RGS6: variants seen among roughly 807,000 people sequenced by gnomAD.
RGS6 encodes regulator of G-protein signaling 6.
A neutral mutation model predicts 78.5 loss-of-function variants in RGS6; 30 were observed. That is an observed-to-expected ratio of 0.38 (90% CI 0.29 to 0.52). The LOEUF (loss-of-function observed/expected upper bound fraction) is 0.52, where lower values mean the gene tolerates loss of function less well. Ranked by LOEUF, RGS6 falls within the 20% of genes least tolerant of loss-of-function variation. The pLI, the probability that RGS6 is intolerant of heterozygous loss-of-function variation, is 0.85. For missense variants in RGS6, 495 were observed against 609.7 expected, an observed-to-expected ratio of 0.81 and a Z score of 1.98; for synonymous variants, 206 against 206.0, an observed-to-expected ratio of 1.00 and a Z score of 0.00.
chr14:72,146,748 G>A (rs954525873), intron 2 of RGS6, among the ~76,000 whole-genome samples: 25 of 152,026 alleles, frequency 1.6e-4, no homozygotes, highest in African/African-American at 6.0e-4. Context: ...TTCTTTACAT[G>A]GCCAGGCTGA....
chr14:72,115,176 T>A (rs2095858414), intron 2 of RGS6, among the ~76,000 whole-genome samples: 2 of 152,304 alleles, frequency 1.3e-5, no homozygotes, highest in South Asian at 4.1e-4. Context: ...TCTTCAACCC[T>A]AGCGCTCGCT....
At chr14:72,094,165 C>T (rs2190633) in intron 2 of RGS6, among the ~76,000 whole-genome samples, 30,199 of 152,128 alleles carry the variant, frequency 0.2, 3,950 homozygotes, top group African/African-American at 0.38. Context: ...CTTTCTTTAT[C>T]GAACAATGGA....
In RGS6 at chr14:72,265,825, C is replaced by T. The variant is rs112276785; in HGVS notation, c.85-86270C>T. Among the ~76,000 whole-genome samples, 1,212 of 152,212 alleles carry T rather than the reference C, an allele frequency of 8.0e-3. 15 individuals are homozygous for T. Among genetic ancestry groups the T allele is most frequent in the African/African-American group, 0.028 (1,148 of 41,520 alleles). On this transcript the variant is annotated intron_variant, in intron 2 of 17. Coordinates refer to ENST00000553525, the MANE Select transcript of RGS6 (RefSeq NM_001204424.2). Reference sequence around the variant, plus strand: ...CTTCCCCAAGCTGCCTGTGCAAAGCCTCCCTTTTCTGCTCCCTCAGCCTCC... The same window carrying T: ...CTTCCCCAAGCTGCCTGTGCAAAGCTTCCCTTTTCTGCTCCCTCAGCCTCC...
chr14:72,493,509 AAT>A (rs200755784), intron 12 of RGS6, among the ~76,000 whole-genome samples: 18 of 148,684 alleles, frequency 1.2e-4, no homozygotes, highest in Non-Finnish European at 2.7e-4. Context: ...TGGAAAAAAA[AAT>A]ATAGGACAAG....
At chr14:72,164,790 A>G (rs1481166684) in intron 2 of RGS6, among the ~76,000 whole-genome samples, 8 of 152,192 alleles carry the variant, frequency 5.3e-5, no homozygotes, top group African/African-American at 1.2e-4. Flanking sequence ...TACATTTTGA[A>G]TAAACAGCGA....
At chr14:72,420,726 T>C (rs914724568) in intron 3 of RGS6, among the ~76,000 whole-genome samples, 2 of 152,226 alleles carry the variant, frequency 1.3e-5, no homozygotes, top group African/African-American at 4.8e-5. Context: ...TGAGCCCTCA[T>C]TATTTGCCTC....
intron 2 of RGS6, among the ~76,000 whole-genome samples, chr14:72,202,984 C>T (rs2041901588): frequency 6.6e-6 from 1 of 152,066 alleles, no homozygotes; most frequent in Non-Finnish European, 1.5e-5. Context: ...ACGCCATTCT[C>T]CTGCCTCAGC....
rs1476384637 is a variant in RGS6, at chr14:72,454,510, A to G, written c.185-18A>G. On this transcript the variant is annotated intron_variant, in intron 3 of 17. Transcript: ENST00000553525. The stretch of plus-strand genomic sequence containing the variant: ...AACACCCAGGAGGTCTTCAGCTGAA[A>G]TTGCTTTATCGTTGCAGGTACTGAC... 13 of 1,613,840 alleles carry G rather than the reference A, an allele frequency of 8.1e-6. No individual in the cohort carries two copies. Among genetic ancestry groups the G allele is most frequent in the Non-Finnish European group, 1.1e-5 (13 of 1,179,756 alleles).
chr14:72,078,343 C>A (rs2094671232), intron 2 of RGS6, among the ~76,000 whole-genome samples: 1 of 152,154 alleles, frequency 6.6e-6, no homozygotes, highest in Non-Finnish European at 1.5e-5. Flanking sequence ...GCCTGCAGAA[C>A]CATGAGTCAA....
intron 3 of RGS6, among the ~76,000 whole-genome samples, chr14:72,406,016 A>G (rs1216625023): frequency 2.6e-5 from 4 of 152,148 alleles, no homozygotes; most frequent in Middle Eastern, 3.2e-3. Flanking sequence ...GTAGACAATA[A>G]ATGGGAGAGG....
chr14:71,888,648 C>T, the RGS6 span, among the ~76,000 whole-genome samples: 1 of 150,130 alleles, frequency 6.7e-6, no homozygotes, highest in Non-Finnish European at 1.5e-5. Context: ...GGTAGGATTT[C>T]ATTCAAGAGA....
At chr14:72,319,631 G>A (rs847349) in intron 2 of RGS6, among the ~76,000 whole-genome samples, 45,666 of 151,822 alleles carry the variant, frequency 0.3, 7,067 homozygotes, top group South Asian at 0.39. Context: ...GTGAGCCACC[G>A]CACCCGGCCT....
intron 2 of RGS6, among the ~76,000 whole-genome samples, chr14:71,973,960 G>C (rs1034888116): frequency 1.3e-5 from 2 of 152,156 alleles, no homozygotes; most frequent in African/African-American, 4.8e-5. Flanking sequence ...GAATAGCTCA[G>C]TGTGGTTTCA....
At chr14:72,179,506 C>G (rs1224148040) in intron 2 of RGS6, among the ~76,000 whole-genome samples, 1 of 152,234 alleles carries the variant, frequency 6.6e-6, no homozygotes, top group African/African-American at 2.4e-5. Context: ...AGCCGCATGG[C>G]AGGGACAGGA....
intron 3 of RGS6, among the ~76,000 whole-genome samples, chr14:72,386,954 A>G (rs2088284156): frequency 6.6e-6 from 1 of 152,164 alleles, no homozygotes; most frequent in African/African-American, 2.4e-5. Flanking sequence ...GGGCACTTGG[A>G]AACTTTTTCA....
At chr14:72,579,661 A>G in the RGS6 span, among the ~76,000 whole-genome samples, 4 of 152,212 alleles carry the variant, frequency 2.6e-5, no homozygotes, top group Admixed American at 6.5e-5. Flanking sequence ...CTGGCTGCTC[A>G]ACACTCACCA....
At chr14:72,597,518 G>A in the RGS6 span, among the ~76,000 whole-genome samples, 5 of 152,308 alleles carry the variant, frequency 3.3e-5, no homozygotes, top group East Asian at 3.9e-4. Context: ...GGTTGGACCA[G>A]ACATAAATCT....
rs546030155 is a variant in RGS6 at position 72,483,360 on chromosome 14, T to G, written c.854+5031T>G. Among the ~76,000 whole-genome samples, 255 of 152,306 alleles carry G rather than the reference T, an allele frequency of 1.7e-3. 1 individual carries two copies. The highest frequency in any genetic ancestry group is 2.2e-3 in the Non-Finnish European group (150 of 68,024). The stretch of plus-strand genomic sequence containing the variant: ...ATCCTCACCCTATTACTGGGAGCCA[T>G]TCGTGTGTCACAGCTGACTGCTGAA... On this transcript the variant is annotated intron_variant, in intron 12 of 17. Coordinates refer to ENST00000553525, the MANE Select transcript of RGS6 (RefSeq NM_001204424.2).
At chr14:72,576,841 A>C in the RGS6 span, among the ~76,000 whole-genome samples, 7 of 152,354 alleles carry the variant, frequency 4.6e-5, no homozygotes, top group East Asian at 1.4e-3. Context: ...AAATATTAGT[A>C]ATATTAATTT....
Sources: gnomAD v4.1 joint callset for allele counts (sites outside exome capture counted in the v4.1 genomes callset) on GRCh38, gnomAD v4.1.1 for gene constraint, MANE v1.5 for transcripts, NCBI Gene and HGNC (gene_info 2026-07-23, HGNC 2026-07-21) for gene names.